ZBTB40: variants seen among roughly 807,000 people sequenced by gnomAD.
ZBTB40 encodes zinc finger and BTB domain containing 40.
A neutral mutation model predicts 117.5 loss-of-function variants in ZBTB40; 60 were observed. The observed-to-expected ratio is 0.51, with a 90% CI of 0.41 to 0.63. The LOEUF (loss-of-function observed/expected upper bound fraction) is 0.63. ZBTB40 is among the 30% of genes least tolerant of loss of function. ZBTB40 has a pLI of 0.00. For synonymous variants in ZBTB40, 525 were observed against 577.1 expected (o/e 0.91, Z 1.29); for missense variants, 1,287 against 1,498.5 (o/e 0.86, Z 2.33).
At chr1:22,519,750 CCCT>C in intron 13 of ZBTB40, 16 of 393,252 alleles carry the variant, frequency 4.1e-5, no homozygotes, top group Admixed American at 7.4e-5. Context: ...GGGTGAAACT[CCCT>C]GGAAAGTGAT....
chr1:22,455,042 G>C lies in ZBTB40; in HGVS notation c.-70+3038G>C, dbSNP rs569214024. On this transcript the variant is annotated intron_variant, in intron 1 of 17. Transcript: ENST00000375647. ...TTGTTTTTTCTTAGTGTTTCTGCTTGGAGAGGAACTTTTCCAAATGGCATC... is the reference window on the plus strand; with the variant it reads ...TTGTTTTTTCTTAGTGTTTCTGCTTCGAGAGGAACTTTTCCAAATGGCATC... Among the ~76,000 whole-genome samples, 235 of 152,218 alleles carry C rather than the reference G, an allele frequency of 1.5e-3. 1 individual carries two copies. The highest frequency in any genetic ancestry group is 5.5e-3 in the African/African-American group (228 of 41,514).
intron 1 of ZBTB40, among the ~76,000 whole-genome samples, chr1:22,477,708 C>T (rs569482865): frequency 6.6e-5 from 10 of 151,466 alleles, no homozygotes; most frequent in African/African-American, 2.4e-4. Flanking sequence ...GAAATAAGTC[C>T]AAATATATTA....
chr1:22,452,828 T>C (rs924587132), intron 1 of ZBTB40: 1 of 152,376 alleles, frequency 6.6e-6, no homozygotes, highest in African/African-American at 2.4e-5. Flanking sequence ...TCTTACTGAC[T>C]ATTCAGAGTT....
chr1:22,453,937 T>G (rs960168061), intron 1 of ZBTB40, among the ~76,000 whole-genome samples: 2 of 152,068 alleles, frequency 1.3e-5, no homozygotes, highest in African/African-American at 4.8e-5. Flanking sequence ...TTGAACAAAT[T>G]TTTATTTTAT....
intron 9 of ZBTB40, among the ~76,000 whole-genome samples, chr1:22,509,716 G>A (rs1001290706): frequency 2.0e-5 from 3 of 152,194 alleles, no homozygotes; most frequent in Non-Finnish European, 2.9e-5. Context: ...AATCCTTCCA[G>A]CTCTACATGG....
At chr1:22,483,625 A>G (rs1199644675) in intron 1 of ZBTB40, among the ~76,000 whole-genome samples, 1 of 151,896 alleles carries the variant, frequency 6.6e-6, no homozygotes, top group Non-Finnish European at 1.5e-5. Flanking sequence ...GCTATTTTTT[A>G]ATTGGGTTGT....
intron 1 of ZBTB40, among the ~76,000 whole-genome samples, chr1:22,480,422 A>G (rs1638258614): frequency 2.0e-5 from 3 of 152,076 alleles, no homozygotes; most frequent in African/African-American, 4.8e-5. Context: ...ATTTTCTGCT[A>G]TTAGCTTTTA....
intron 1 of ZBTB40, among the ~76,000 whole-genome samples, chr1:22,443,441 G>A (rs1218163780): frequency 6.6e-6 from 1 of 152,276 alleles, no homozygotes; most frequent in African/African-American, 2.4e-5. Context: ...TGGATTCAAA[G>A]AGTTTCTGGT....
At chr1:22,481,350 C>A (rs1638307554) in intron 1 of ZBTB40, among the ~76,000 whole-genome samples, 1 of 152,000 alleles carries the variant, frequency 6.6e-6, no homozygotes, top group African/African-American at 2.4e-5. Flanking sequence ...AGCCATTGAC[C>A]ACCCTTGAAT....
chr1:22,459,350 T>A (rs995481798), intron 1 of ZBTB40, among the ~76,000 whole-genome samples: 1 of 152,236 alleles, frequency 6.6e-6, no homozygotes, highest in Non-Finnish European at 1.5e-5. Flanking sequence ...TTAAAAAACA[T>A]TTAAGACTCT....
In ZBTB40 at chr1:22,524,368, T is replaced by C. The variant is rs755675196; in HGVS notation, c.3449T>C (p.Leu1150Pro). ...GAACTCTTCACCTCCCAGGCCCAGC[T>C]TGACAGTCACCTGGAATCTGAGCAC... ...CGELFTSQAQLDSHLESEHPK... is the reference protein window; with the variant it reads ...CGELFTSQAQPDSHLESEHPK... Residue 1150 changes from leucine (L) to proline (P), a missense_variant, in exon 17 of 18, where the codon CTT becomes CCT. Leu to Pro is a moderately conservative substitution (Grantham distance 98, BLOSUM62 -3). Transcript: ENST00000375647. The C allele has an allele frequency of 1.9e-6, 3 of 1,614,078 alleles. No homozygotes were observed. Among genetic ancestry groups the C allele is most frequent in the Non-Finnish European group, 2.5e-6 (3 of 1,180,048 alleles).
intron 1 of ZBTB40, among the ~76,000 whole-genome samples, chr1:22,489,402 C>T (rs747569115): frequency 6.6e-6 from 1 of 152,102 alleles, no homozygotes; most frequent in African/African-American, 2.4e-5. Flanking sequence ...AGAATGATGA[C>T]CTCCGTCCCT....
At chr1:22,494,955 A>G (rs1638734185) in intron 3 of ZBTB40, among the ~76,000 whole-genome samples, 1 of 152,250 alleles carries the variant, frequency 6.6e-6, no homozygotes, top group Non-Finnish European at 1.5e-5. Flanking sequence ...ACATTTCCGT[A>G]CAATTTTACA....
intron 1 of ZBTB40, among the ~76,000 whole-genome samples, chr1:22,454,570 G>A (rs939381416): frequency 2.0e-5 from 3 of 152,198 alleles, no homozygotes; most frequent in Non-Finnish European, 4.4e-5. Context: ...AGGGAGAGAC[G>A]AAGCTGGGAG....
intron 5 of ZBTB40, among the ~76,000 whole-genome samples, chr1:22,502,880 G>C (rs1187274720): frequency 6.6e-6 from 1 of 152,036 alleles, no homozygotes; most frequent in Non-Finnish European, 1.5e-5. Context: ...TGTACATTTG[G>C]AATATGTAGA....
chr1:22,431,978 A>G (rs936919549), intron 1 of ZBTB40, among the ~76,000 whole-genome samples: 5 of 2,398 alleles, frequency 2.1e-3, no homozygotes, highest in African/African-American at 2.7e-3. Context: ...CTTACTTTTC[A>G]GCTAAAAAAA....
Position 22,509,094 on chromosome 1 carries a change from T to C in ZBTB40, c.1700-6T>C, listed in dbSNP as rs1224783001. On this transcript the variant is annotated splice_polypyrimidine_tract_variant and splice_region_variant and intron_variant, in intron 8 of 17. Transcript: ENST00000375647. ...CTAATGAGTTTTTGATCCCCCTTTT[T>C]TTCAGTGACCACCCCAGAACATGCC... 1.9e-6 allele frequency: 3 copies of C among 1,614,114 alleles called. No individual in the cohort carries two copies. The highest frequency in any genetic ancestry group is 1.3e-5 in the African/African-American group (1 of 75,026).
At chr1:22,482,285 T>C (rs1449679475) in intron 1 of ZBTB40, among the ~76,000 whole-genome samples, 5 of 152,362 alleles carry the variant, frequency 3.3e-5, no homozygotes, top group South Asian at 4.1e-4. Flanking sequence ...GAAACATTTA[T>C]ATTTATTTCA....
At position 22,490,617 on chromosome 1, in the gene ZBTB40, T is replaced by C. The variant is rs775064641; in HGVS notation, c.669T>C (p.Ser223=). Reference sequence around the variant, plus strand: ...CCTCCCCTGCTGTGCAAACCTTTAGTGAGGCAAAGAAGACAAGCACAGAAC... The same window carrying C: ...CCTCCCCTGCTGTGCAAACCTTTAGCGAGGCAAAGAAGACAAGCACAGAAC... ...CSPSPAVQTF[S]EAKKTSTEPG... Residue 223 remains serine (S), a synonymous_variant, in exon 2 of 18, where the codon AGT becomes AGC. Transcript: ENST00000375647. 3.1e-6 allele frequency: 5 copies of C among 1,613,870 alleles called. No homozygotes were observed. The South Asian group carries it at 5.5e-5, about 18-fold the overall frequency.
Sources: gnomAD v4.1 joint callset for allele counts (sites outside exome capture counted in the v4.1 genomes callset) on GRCh38, gnomAD v4.1.1 for gene constraint, MANE v1.5 for transcripts, NCBI Gene and HGNC (gene_info 2026-07-23, HGNC 2026-07-21) for gene names.